Variants in PGS1 observed in about 807,000 individuals in gnomAD.
PGS1 encodes the protein phosphatidylglycerophosphate synthase 1, also known as CDP-diacylglycerol--glycerol-3-phosphate 3-phosphatidyltransferase, mitochondrial.
A neutral mutation model predicts 58.3 loss-of-function variants in PGS1; 44 were observed. The observed-to-expected ratio is 0.75, with a 90% CI of 0.59 to 0.97. PGS1 has a LOEUF of 0.97. PGS1 is among the 50% of genes least tolerant of loss of function. The pLI is 0.00. For synonymous variants in PGS1, 330 were observed against 311.0 expected (o/e 1.06, Z -0.64); for missense variants, 684 against 731.1 (o/e 0.94, Z 0.74).
At chr17:78,423,564 C>A (rs1295389026) in intron 9 of PGS1, 2 of 294,944 alleles carry the variant, frequency 6.8e-6, no homozygotes, top group Non-Finnish European at 6.6e-6. Context: ...ACTCCACTGA[C>A]CCCCCCGGGA....
At chr17:78,406,713 A>G (rs2084179695) in intron 7 of PGS1, among the ~76,000 whole-genome samples, 1 of 152,188 alleles carries the variant, frequency 6.6e-6, no homozygotes, top group Non-Finnish European at 1.5e-5. Flanking sequence ...GTACCCAGGG[A>G]TGGGGTATTG....
At chr17:78,379,448 A>G (rs1255693334) in intron 1 of PGS1, among the ~76,000 whole-genome samples, 1 of 152,174 alleles carries the variant, frequency 6.6e-6, no homozygotes, top group Non-Finnish European at 1.5e-5. Flanking sequence ...CTTTGGAGCA[A>G]TTTGTTCAGG....
chr17:78,390,123 G>A (rs560716065), intron 1 of PGS1, among the ~76,000 whole-genome samples: 1 of 138,556 alleles, frequency 7.2e-6, no homozygotes, highest in South Asian at 2.3e-4. Flanking sequence ...TGGGGCCTCG[G>A]GTTGATGGGT....
chr17:78,385,714 GC>G (rs1266172897), intron 1 of PGS1, among the ~76,000 whole-genome samples: 1 of 152,222 alleles, frequency 6.6e-6, no homozygotes, highest in Non-Finnish European at 1.5e-5. Flanking sequence ...GAGCCACTGT[GC>G]CCGGCCCCCG....
Position 78,378,677 on chromosome 17 carries a change from G to T in PGS1, c.12G>T (p.Ala4=). The T allele has an allele frequency of 2.0e-6, 3 of 1,533,180 alleles. No individual in the cohort carries two copies. The highest frequency in any genetic ancestry group is 2.6e-6 in the Non-Finnish European group (3 of 1,147,210). The allele number at this position is 1,533,180 out of a possible 1,614,324, so 95.0% of individuals were successfully genotyped here. Residue 4 remains alanine (A), a synonymous_variant, in exon 1 of 10, where the codon GCG becomes GCT. Transcript: ENST00000262764. The stretch of plus-strand genomic sequence containing the variant: ...AGCGGCGAGTCTCCATGGCGGTGGC[G>T]GCGGCAGCTGCGGCGGGACCCGTGT... The part of the protein sequence containing the change: MAV[A]AAAAAGPVFW...
At chr17:78,403,042 T>C (rs553229090) in intron 6 of PGS1, among the ~76,000 whole-genome samples, 1 of 152,326 alleles carries the variant, frequency 6.6e-6, no homozygotes, top group African/African-American at 2.4e-5. Context: ...TTATCCAAGG[T>C]GATGGCTTGC....
intron 7 of PGS1, 60 bp downstream of exon 7, chr17:78,404,149 G>A (rs3744220): frequency 0.09 from 131,060 of 1,452,664 alleles, 7,575 homozygotes; most frequent in East Asian, 0.31. Flanking sequence ...ATGGGCAGGG[G>A]GTGGGGAGCC....
chr17:78,399,642 T>C, intron 5 of PGS1, 105 bp downstream of exon 5: 1 of 1,129,198 alleles, frequency 8.9e-7, no homozygotes, highest in South Asian at 1.4e-5. Context: ...TTGGAGAACC[T>C]GCTTGTAGGT....
In PGS1 at chr17:78,407,004, G is replaced by A. The variant is rs570283076; in HGVS notation, c.1402+2915G>A. Among the ~76,000 whole-genome samples the A allele has an allele frequency of 9.8e-5, 15 of 152,342 alleles. No homozygotes were observed. In the South Asian group the frequency reaches 2.3e-3, roughly 23 times the overall value. On this transcript the variant is annotated intron_variant, in intron 7 of 9. Coordinates refer to ENST00000262764, the MANE Select transcript of PGS1 (RefSeq NM_024419.5). ...AACACCCAACCTGCTTTTCTGGGGC[G>A]TCTTGCCTTTTCCCGGACTGATGTG...
chr17:78,388,679 G>T (rs986386479), intron 1 of PGS1, among the ~76,000 whole-genome samples: 3 of 151,884 alleles, frequency 2.0e-5, no homozygotes, highest in African/African-American at 7.3e-5. Flanking sequence ...CACACTTCCT[G>T]CCTGAAACAC....
chr17:78,405,868 G>C (rs556229891), intron 7 of PGS1, among the ~76,000 whole-genome samples: 69 of 152,302 alleles, frequency 4.5e-4, no homozygotes, highest in African/African-American at 1.5e-3. Context: ...TGAGTGAGTG[G>C]GGGGCCTCCA....
intron 9 of PGS1, chr17:78,421,303 A>T (rs558563591): frequency 6.6e-6 from 1 of 152,346 alleles, no homozygotes; most frequent in East Asian, 1.9e-4. Flanking sequence ...AGGGCATGGC[A>T]GCCTGTCCTT....
At chr17:78,396,429 G>A (rs1336333461) in intron 3 of PGS1, 44 bp downstream of exon 3, 2 of 1,337,302 alleles carry the variant, frequency 1.5e-6, no homozygotes, top group Non-Finnish European at 2.1e-6. Flanking sequence ...TAGTGAATGG[G>A]CCCCAACATG....
rs1307392346 is a variant in PGS1, at chr17:78,400,928, A to G, written c.880+73A>G. ...TGAGGGCCCGGGAGAGCACAACTCT[A>G]GGTGGTTCTGCCACAGGCATAGGGG... is the stretch of plus-strand genomic sequence containing the variant. On this transcript the variant is annotated intron_variant, in intron 6 of 9. Coordinates refer to ENST00000262764, the MANE Select transcript of PGS1 (RefSeq NM_024419.5). The surrounding 1 kb of genome is among the most constrained non-coding windows in gnomAD (Gnocchi z 4.4). 4.5e-6 allele frequency: 6 copies of G among 1,332,158 alleles called. No homozygotes were observed. Among genetic ancestry groups the G allele is most frequent in the African/African-American group, 2.9e-5 (2 of 68,036 alleles). The allele number at this position is 1,332,158 out of a possible 1,614,324, so 82.5% of individuals were successfully genotyped here.
chr17:78,394,248 A>C (rs964430034), intron 2 of PGS1, among the ~76,000 whole-genome samples: 1 of 151,782 alleles, frequency 6.6e-6, no homozygotes, highest in East Asian at 1.9e-4. Flanking sequence ...GCTGAGAGAC[A>C]ATAGGAAATC....
intron 1 of PGS1, among the ~76,000 whole-genome samples, chr17:78,385,370 G>A (rs1260614979): frequency 6.7e-6 from 1 of 149,860 alleles, no homozygotes; most frequent in African/African-American, 2.5e-5. Flanking sequence ...CTCACTACAA[G>A]CTCTGCCTGC....
chr17:78,410,211 T>A lies in PGS1; in HGVS notation c.1403-4668T>A, dbSNP rs112844083. Among the ~76,000 whole-genome samples the A allele has an allele frequency of 4.6e-3, 705 of 152,254 alleles. 3 individuals carry two copies. The highest frequency in any genetic ancestry group is 0.016 in the African/African-American group (671 of 41,566). On this transcript the variant is annotated intron_variant, in intron 7 of 9. Coordinates refer to ENST00000262764, the MANE Select transcript of PGS1 (RefSeq NM_024419.5). ...GGGAGGCAGAGGCGGGTGGATCACC[T>A]GAGGTCAGGAGTTTGAGACCCAGCC...
In PGS1 at chr17:78,424,395, T is replaced by C. The variant is rs2086309890; in HGVS notation, c.*345T>C. On this transcript the variant is annotated 3_prime_UTR_variant, in exon 10 of 10. Coordinates refer to ENST00000262764, the MANE Select transcript of PGS1 (RefSeq NM_024419.5). Reference sequence around the variant, plus strand: ...AGCTAAAGCCCTCGGGTTCCATCCGTTTAAATCTGTGGCATTTTCAGAGCC... The same window carrying C: ...AGCTAAAGCCCTCGGGTTCCATCCGCTTAAATCTGTGGCATTTTCAGAGCC... The C allele has an allele frequency of 2.1e-6, 1 of 470,704 alleles. No homozygotes were observed. The highest frequency in any genetic ancestry group is 3.8e-6 in the Non-Finnish European group (1 of 264,660). The allele number at this position is 470,704 out of a possible 1,614,324, so 29.2% of individuals were successfully genotyped here. A position where few individuals can be genotyped will look rare whatever the true frequency, so the allele number is the denominator to read the frequency against.
chr17:78,419,773 T>TA, intron 9 of PGS1, 98 bp downstream of exon 9: 1 of 1,566,778 alleles, frequency 6.4e-7, no homozygotes, highest in Non-Finnish European at 8.6e-7. Context: ...CAGAGGGCTC[T>TA]TTGATCCCTT....
Sources: allele counts gnomAD v4.1 joint callset (sites outside exome capture counted in the v4.1 genomes callset), GRCh38; gene constraint gnomAD v4.1.1; non-coding constraint Gnocchi (gnomAD v3.1); transcripts MANE v1.5; gene names NCBI Gene and HGNC (gene_info 2026-07-23, HGNC 2026-07-21).